UST: variants seen among roughly 807,000 people sequenced by gnomAD.
The protein encoded by UST is chondroitin sulfate 2-O-sulfotransferase.
A neutral mutation model predicts 45.6 loss-of-function variants in UST; 21 were observed. The observed-to-expected ratio is 0.46, with a 90% CI of 0.33 to 0.66. The LOEUF (loss-of-function observed/expected upper bound fraction) is 0.66. Among genes scored for constraint, UST ranks in the 30% least tolerant of loss-of-function variants. The pLI, the probability that UST is intolerant of heterozygous loss-of-function variation, is 0.02. For synonymous variants in UST, 215 were observed against 200.6 expected (o/e 1.07, Z -0.61); for missense variants, 463 against 512.4 (o/e 0.90, Z 0.93).
At chr6:148,831,568 A>G (rs766767663) in intron 1 of UST, among the ~76,000 whole-genome samples, 1 of 152,144 alleles carries the variant, frequency 6.6e-6, no homozygotes, top group Non-Finnish European at 1.5e-5. Flanking sequence ...TGCCCGACAA[A>G]TAAGAAGTCA....
chr6:148,987,867 C>A (rs1246757856), intron 5 of UST, among the ~76,000 whole-genome samples: 1 of 152,062 alleles, frequency 6.6e-6, no homozygotes, highest in East Asian at 1.9e-4. Context: ...GACGTGTATT[C>A]GTTCAGCCAA....
intron 1 of UST, among the ~76,000 whole-genome samples, chr6:148,863,948 G>A (rs544901799): frequency 6.6e-6 from 1 of 152,318 alleles, no homozygotes; most frequent in African/African-American, 2.4e-5. Context: ...CTACTCGGGG[G>A]TCAGGGACCA....
intron 2 of UST, among the ~76,000 whole-genome samples, chr6:148,913,752 A>G (rs1779525267): frequency 6.6e-6 from 1 of 152,196 alleles, no homozygotes; most frequent in African/African-American, 2.4e-5. Flanking sequence ...TTATCAAACC[A>G]AGGAAAAATA....
intron 2 of UST, among the ~76,000 whole-genome samples, chr6:148,901,932 G>A (rs143320448): frequency 2.2e-4 from 34 of 152,286 alleles, no homozygotes; most frequent in African/African-American, 7.0e-4. Flanking sequence ...ACAGAGGGCT[G>A]CAAGATAGAG....
chr6:148,870,981 T>C (rs1778538770), intron 1 of UST, among the ~76,000 whole-genome samples: 1 of 152,134 alleles, frequency 6.6e-6, no homozygotes, highest in Non-Finnish European at 1.5e-5. Context: ...CTAAAATCTA[T>C]ATATTGAAGC....
chr6:148,897,845 C>T (rs1475450483), intron 2 of UST, among the ~76,000 whole-genome samples: 1 of 152,192 alleles, frequency 6.6e-6, no homozygotes, highest in East Asian at 1.9e-4. Flanking sequence ...ATACGAATCT[C>T]TTACCTTATA....
intron 5 of UST, among the ~76,000 whole-genome samples, chr6:148,974,632 T>C (rs939542397): frequency 1.6e-4 from 24 of 152,182 alleles, no homozygotes; most frequent in African/African-American, 5.3e-4. Flanking sequence ...TTTTCTCTGA[T>C]CCTAAACCCA....
intron 5 of UST, among the ~76,000 whole-genome samples, chr6:148,994,671 G>T (rs900364785): frequency 3.3e-5 from 5 of 152,208 alleles, no homozygotes; most frequent in Admixed American, 6.5e-5. Flanking sequence ...GTTTCACTGT[G>T]GTCTTTACAG....
At chr6:149,073,753 C>A in intron 7 of UST, 80 bp from the exon 8 acceptor site, 1 of 1,520,858 alleles carries the variant, frequency 6.6e-7, no homozygotes, top group Non-Finnish European at 8.9e-7. Flanking sequence ...CAGAGTTGTA[C>A]AGGTAATGTG....
intron 2 of UST, among the ~76,000 whole-genome samples, chr6:148,902,695 A>AT (rs745714667): frequency 3.3e-5 from 5 of 151,550 alleles, no homozygotes; most frequent in Non-Finnish European, 5.9e-5. Flanking sequence ...CTACATTTTC[A>AT]TTTTTTGTCA....
intron 1 of UST, among the ~76,000 whole-genome samples, chr6:148,835,345 G>A (rs1169385806): frequency 6.6e-6 from 1 of 152,128 alleles, no homozygotes; most frequent in Non-Finnish European, 1.5e-5. Flanking sequence ...TGTCTGTGGG[G>A]TTCCTGGAAC....
At chr6:148,820,801 T>C (rs1226407901) in intron 1 of UST, among the ~76,000 whole-genome samples, 6 of 142,408 alleles carry the variant, frequency 4.2e-5, no homozygotes, top group South Asian at 2.3e-4. Context: ...TGCAGTGAGC[T>C]GAGATCGCAC....
intron 3 of UST, 110 bp downstream of exon 3, chr6:148,941,544 T>C: frequency 1.6e-6 from 2 of 1,276,992 alleles, no homozygotes; most frequent in South Asian, 1.6e-5. Context: ...AATACCAGAG[T>C]TTTGATTTCA....
intron 7 of UST, among the ~76,000 whole-genome samples, chr6:149,063,214 A>G (rs550019717): frequency 3.2e-4 from 48 of 152,296 alleles, no homozygotes; most frequent in African/African-American, 1.1e-3. Context: ...AAGAAAAAAC[A>G]ATCTCTATTG....
chr6:148,990,993 C>T (rs535258044), intron 5 of UST, among the ~76,000 whole-genome samples: 1 of 152,198 alleles, frequency 6.6e-6, no homozygotes, highest in Non-Finnish European at 1.5e-5. Context: ...GAGACAAAGC[C>T]CCACCTGTCA....
chr6:148,773,286 C>T (rs1234282227), intron 1 of UST, among the ~76,000 whole-genome samples: 1 of 152,050 alleles, frequency 6.6e-6, no homozygotes, highest in African/African-American at 2.4e-5. Flanking sequence ...CATGGTGAAA[C>T]CCCATCTCTA....
At chr6:149,017,374 C>CA (rs571742111) in intron 5 of UST, among the ~76,000 whole-genome samples, 3,099 of 130,476 alleles carry the variant, frequency 0.024, 107 homozygotes, top group African/African-American at 0.077. Context: ...GACTCTGTCT[C>CA]AAAAAAAAAA....
chr6:148,778,638 A>C (rs1776579605), intron 1 of UST, among the ~76,000 whole-genome samples: 1 of 152,192 alleles, frequency 6.6e-6, no homozygotes, highest in South Asian at 2.1e-4. Flanking sequence ...CAATCCCTGC[A>C]TCAGTGTGGG....
chr6:148,837,238 T>C (rs1212610518), intron 1 of UST, among the ~76,000 whole-genome samples: 1 of 152,170 alleles, frequency 6.6e-6, no homozygotes, highest in Non-Finnish European at 1.5e-5. Flanking sequence ...TGGCTTTTGA[T>C]TTGCATCCCA....
Sources: gnomAD v4.1 joint callset for allele counts (sites outside exome capture counted in the v4.1 genomes callset) on GRCh38, gnomAD v4.1.1 for gene constraint, MANE v1.5 for transcripts, NCBI Gene and HGNC (gene_info 2026-07-23, HGNC 2026-07-21) for gene names.